The following KALRN variants were observed in gnomAD, a reference collection of about 807,000 sequenced individuals.
KALRN encodes the protein kalirin RhoGEF kinase.
A neutral mutation model predicts 353.7 loss-of-function variants in KALRN; 70 were observed. That is an observed-to-expected ratio of 0.20 (90% CI 0.16 to 0.24). The LOEUF (loss-of-function observed/expected upper bound fraction) is 0.24. KALRN is among the 10% of genes least tolerant of loss of function. The probability of loss-of-function intolerance (pLI) is 1.00; values close to 1 mark genes in which losing one functional copy is unlikely to be tolerated. For missense variants in KALRN, 2,791 were observed against 3,756.7 expected, an observed-to-expected ratio of 0.74 and a Z score of 6.72; for synonymous variants, 1,391 against 1,434.8, an observed-to-expected ratio of 0.97 and a Z score of 0.69.
chr3:124,440,691 G>C (rs1049157870), intron 18 of KALRN, among the ~76,000 whole-genome samples: 3 of 150,922 alleles, frequency 2.0e-5, no homozygotes, highest in African/African-American at 7.3e-5. Flanking sequence ...TACATTTCAG[G>C]GTGTGTAGAA....
intron 34 of KALRN, among the ~76,000 whole-genome samples, chr3:124,576,090 G>A (rs2074062697): frequency 6.6e-6 from 1 of 151,602 alleles, no homozygotes; most frequent in Admixed American, 6.6e-5. Context: ...CAGATCCTCA[G>A]AGACTTGGAT....
rs185304424 is a variant in KALRN at position 124,153,169 on chromosome 3, C to T, written c.74-74821C>T. 9.5e-3 allele frequency: 1,444 copies of T among 151,238 alleles called. 24 individuals carry two copies. The highest frequency in any genetic ancestry group is 0.033 in the African/African-American group (1,325 of 40,210). The allele number at this position is 151,238 out of a possible 1,614,324, so 9.4% of individuals were successfully genotyped here. On this transcript the variant is annotated intron_variant, in intron 1 of 59. Transcript: ENST00000682506. The stretch of plus-strand genomic sequence containing the variant: ...TTTAGGGTACATGTGCACAATGTGC[C>T]GGTTAGTTACATATGTACACATGTG...
At chr3:124,624,954 C>T (rs2079767237) in intron 34 of KALRN, among the ~76,000 whole-genome samples, 1 of 152,146 alleles carries the variant, frequency 6.6e-6, no homozygotes, top group Non-Finnish European at 1.5e-5. Flanking sequence ...GAAGCTAAAA[C>T]TTTTGACGCT....
intron 33 of KALRN, among the ~76,000 whole-genome samples, chr3:124,538,686 C>T (rs570443612): frequency 6.6e-5 from 10 of 152,080 alleles, no homozygotes; most frequent in Non-Finnish European, 1.0e-4. Context: ...AATGACGACC[C>T]TGTAGCAGAG....
At chr3:124,519,473 A>T (rs2066985179) in intron 33 of KALRN, 2 of 985,206 alleles carry the variant, frequency 2.0e-6, no homozygotes, top group Non-Finnish European at 2.4e-6. Flanking sequence ...AACTTTTTTT[A>T]AAGGCCCACT....
At position 124,033,578 on chromosome 3, in the gene KALRN, C is replaced by G; in HGVS notation, c.-163C>G. On this transcript the variant is annotated 5_prime_UTR_variant, in exon 1 of 60. Coordinates refer to ENST00000682506, the MANE Select transcript of KALRN (RefSeq NM_001388419.1). This position sits in a 1 kb window ranked among gnomAD's most constrained non-coding sequence, Gnocchi z 6.2. ...CCGCCTGAGGGAGGCTCAGCGTCCTCTGCCCCAGCCCCGCCGCCCAACGCC... is the reference window on the plus strand; with the variant it reads ...CCGCCTGAGGGAGGCTCAGCGTCCTGTGCCCCAGCCCCGCCGCCCAACGCC... Among the ~76,000 whole-genome samples, 1 of 151,648 alleles carries G rather than the reference C, an allele frequency of 6.6e-6. No homozygotes were observed. The highest frequency in any genetic ancestry group is 2.0e-4 in the East Asian group (1 of 5,110).
chr3:124,191,546 T>C (rs2074919819), intron 1 of KALRN, among the ~76,000 whole-genome samples: 1 of 152,214 alleles, frequency 6.6e-6, no homozygotes, highest in Admixed American at 6.5e-5. Context: ...CAAGCTGCCT[T>C]CTTTTTCTCC....
intron 34 of KALRN, among the ~76,000 whole-genome samples, chr3:124,564,204 CAAAAAAAAAAAAAAAA>C (rs58917238): frequency 1.4e-5 from 1 of 73,922 alleles, no homozygotes; most frequent in Non-Finnish European, 2.6e-5. Context: ...AACTCCGTCT[CAAAAAAAAAAAAAAAA>C]AAAAAAAAAA....
intron 1 of KALRN, among the ~76,000 whole-genome samples, chr3:124,126,996 C>G (rs1036330677): frequency 2.6e-5 from 4 of 152,162 alleles, no homozygotes; most frequent in Non-Finnish European, 5.9e-5. Flanking sequence ...CTATCTGGCT[C>G]AACTACAATA....
intron 6 of KALRN, among the ~76,000 whole-genome samples, chr3:124,303,440 G>A (rs972309891): frequency 6.6e-6 from 1 of 152,086 alleles, no homozygotes; most frequent in Admixed American, 6.5e-5. Flanking sequence ...GAAGCCTTTT[G>A]CATAAATTTT....
intron 34 of KALRN, among the ~76,000 whole-genome samples, chr3:124,601,075 TCC>T (rs2076751667): frequency 6.6e-6 from 1 of 152,076 alleles, no homozygotes; most frequent in East Asian, 1.9e-4. Flanking sequence ...TCAGACTGAG[TCC>T]CCCTCCTGAC....
At chr3:124,664,450 G>A (rs1467964635) in intron 45 of KALRN, among the ~76,000 whole-genome samples, 3 of 147,984 alleles carry the variant, frequency 2.0e-5, no homozygotes, top group East Asian at 2.0e-4. Flanking sequence ...TTGCTCTGTC[G>A]CCCAGGCTGG....
intron 39 of KALRN, 22 bp downstream of exon 39, chr3:124,655,689 G>T (rs763529291): frequency 1.2e-6 from 2 of 1,601,544 alleles, no homozygotes; most frequent in East Asian, 4.5e-5. Context: ...GTTCCAGGTG[G>T]GTCTGTGGTC....
intron 34 of KALRN, among the ~76,000 whole-genome samples, chr3:124,630,195 A>G (rs539512774): frequency 6.6e-6 from 1 of 152,312 alleles, no homozygotes; most frequent in African/African-American, 2.4e-5. Flanking sequence ...AGGGAAAATT[A>G]AATAAAGTTT....
At chr3:124,092,333 C>T (rs943070904) in intron 1 of KALRN, among the ~76,000 whole-genome samples, 1 of 152,180 alleles carries the variant, frequency 6.6e-6, no homozygotes, top group East Asian at 1.9e-4. Context: ...CTTCCCCTGC[C>T]CCTCTCTGTC....
chr3:124,293,126 A>G (rs1030845777), intron 5 of KALRN, among the ~76,000 whole-genome samples: 5 of 152,344 alleles, frequency 3.3e-5, no homozygotes, highest in Non-Finnish European at 5.9e-5. Context: ...ACAAGCTTTT[A>G]TGGATGCACC....
At chr3:124,466,308 T>C (rs1042957740) in intron 25 of KALRN, among the ~76,000 whole-genome samples, 1 of 151,900 alleles carries the variant, frequency 6.6e-6, no homozygotes, top group Non-Finnish European at 1.5e-5. Flanking sequence ...AATCATGAAA[T>C]TTACTTATCT....
chr3:124,434,026 A>G (rs1422247217), intron 16 of KALRN, among the ~76,000 whole-genome samples: 1 of 152,224 alleles, frequency 6.6e-6, no homozygotes, highest in African/African-American at 2.4e-5. Context: ...TTTCTCTGCT[A>G]CAGAAACTGA....
At chr3:124,205,740 T>C (rs1579365097) in intron 1 of KALRN, among the ~76,000 whole-genome samples, 2 of 152,356 alleles carry the variant, frequency 1.3e-5, no homozygotes. Flanking sequence ...TAGTACCTTA[T>C]GTTCATATCG....
Sources: gnomAD v4.1 joint callset for allele counts (sites outside exome capture counted in the v4.1 genomes callset) on GRCh38, gnomAD v4.1.1 for gene constraint, Gnocchi (gnomAD v3.1) non-coding constraint, MANE v1.5 for transcripts, NCBI Gene and HGNC (gene_info 2026-07-23, HGNC 2026-07-21) for gene names.